PRIM1: variants seen among roughly 807,000 people sequenced by gnomAD.
PRIM1 encodes the protein DNA primase subunit 1.
Under a neutral mutation model 60.2 loss-of-function variants are expected in PRIM1, and 38 were observed. The observed-to-expected ratio is 0.63, with a 90% CI of 0.49 to 0.83. PRIM1 has a LOEUF of 0.83. PRIM1 is among the 40% of genes least tolerant of loss of function. The pLI is 0.00. For missense variants in PRIM1, 388 were observed against 506.2 expected, an observed-to-expected ratio of 0.77 and a Z score of 2.24; for synonymous variants, 158 against 160.2, an observed-to-expected ratio of 0.99 and a Z score of 0.10.
At chr12:56,734,112 C>A (rs750294648) in intron 12 of PRIM1, 35 bp downstream of exon 12, 1 of 1,431,274 alleles carries the variant, frequency 7.0e-7, no homozygotes, top group South Asian at 1.2e-5. Context: ...ATAATAAGAT[C>A]TAACTAGATA....
chr12:56,745,949 A>C, intron 5 of PRIM1, 96 bp downstream of exon 5: 1 of 1,339,958 alleles, frequency 7.5e-7, no homozygotes, highest in Non-Finnish European at 1.0e-6. Context: ...AAAAAAAAAA[A>C]AAAAAGATAG....
chr12:56,751,300 G>C, intron 1 of PRIM1, 105 bp from the exon 2 acceptor site: 1 of 806,732 alleles, frequency 1.2e-6, no homozygotes, highest in East Asian at 3.0e-5. Flanking sequence ...AGGGAATCTT[G>C]CTTGCTTCCT....
In PRIM1 at chr12:56,736,298, T is replaced by TAAAAAAAAAAAAAAAAA. The variant is rs756452647; in HGVS notation, c.1145-2070_1145-2054dup. Among the ~76,000 whole-genome samples the TAAAAAAAAAAAAAAAAA allele has an allele frequency of 1.6e-3, 39 of 24,320 alleles. 5 individuals carry two copies. Among genetic ancestry groups the TAAAAAAAAAAAAAAAAA allele is most frequent in the African/African-American group, 5.9e-3 (26 of 4,442 alleles). 16.0% of individuals were successfully genotyped at this position (24,320 alleles called of 152,430 possible). On this transcript the variant is annotated intron_variant, in intron 11 of 12. Transcript: ENST00000338193. ...GGGTGACAGAGTAAGACTCTTTCTC[T>TAAAAAAAAAAAAAAAAA]AAAAAAAAAAAAAAAAAAAAAAAAA...
At chr12:56,743,365 AC>A in intron 6 of PRIM1, 1 of 243,964 alleles carries the variant, frequency 4.1e-6, no homozygotes, top group Non-Finnish European at 7.7e-6. Context: ...AGGTTAATAT[AC>A]GCAATAAGGG....
chr12:56,748,315 TAGA>T (rs1249693125), intron 2 of PRIM1, among the ~76,000 whole-genome samples: 3 of 152,268 alleles, frequency 2.0e-5, no homozygotes, highest in Admixed American at 6.5e-5. Context: ...GGCAGGAAGC[TAGA>T]AGATTTCTCT....
chr12:56,740,569 C>T (rs577538041), intron 9 of PRIM1, among the ~76,000 whole-genome samples: 1 of 152,104 alleles, frequency 6.6e-6, no homozygotes, highest in South Asian at 2.1e-4. Context: ...TGCTTGAGCT[C>T]AAGAGTTCAA....
intron 7 of PRIM1, 83 bp downstream of exon 7, chr12:56,742,904 C>G: frequency 1.9e-6 from 2 of 1,039,420 alleles, no homozygotes; most frequent in Admixed American, 3.6e-5. Context: ...TATATGAGAA[C>G]TTACAAGCAG....
Position 56,738,526 on chromosome 12 carries a change from C to T in PRIM1, c.1053-1G>A. The T allele has an allele frequency of 6.4e-7, 1 of 1,571,610 alleles. No individual in the cohort carries two copies. Among genetic ancestry groups the T allele is most frequent in the Non-Finnish European group, 8.6e-7 (1 of 1,157,170 alleles). ...GGCATCCAATTCACGGCAGATGAAG[C>T]TGCAAGTAACAGAACAAGAGAATTT... On this transcript the variant is annotated splice_acceptor_variant, in intron 10 of 12. Transcript: ENST00000338193. LOFTEE classifies it high-confidence loss of function.
rs748584602 is a variant in PRIM1 at position 56,746,218 on chromosome 12, C to T, written c.443-37G>A. 9 of 1,581,440 alleles carry T rather than the reference C, an allele frequency of 5.7e-6. No homozygotes were observed. The Middle Eastern group carries it at 5.0e-4, about 88-fold the overall frequency. ...AGAAATAATAGGTTTTAAAACAAAT[C>T]TATAAACTCCTTAATTAATGTATAT... On this transcript the variant is annotated intron_variant, in intron 4 of 12. Transcript: ENST00000338193.
chr12:56,740,093 G>A (rs1054081443), intron 9 of PRIM1, among the ~76,000 whole-genome samples: 5 of 151,694 alleles, frequency 3.3e-5, no homozygotes, highest in East Asian at 3.9e-4. Flanking sequence ...CCAAGATCGC[G>A]CCACTGTACT....
intron 2 of PRIM1, among the ~76,000 whole-genome samples, chr12:56,747,295 G>A (rs12306275): frequency 0.033 from 4,982 of 152,250 alleles, 289 homozygotes; most frequent in African/African-American, 0.11. Context: ...TAATAAAGCT[G>A]TTTTTAGTTT....
intron 11 of PRIM1, 23 bp from the exon 12 acceptor site, chr12:56,734,268 T>C (rs915549490): frequency 7.1e-6 from 10 of 1,408,406 alleles, no homozygotes; most frequent in Non-Finnish European, 9.9e-6. Flanking sequence ...GAATGTACAT[T>C]ATAATTAGCA....
At chr12:56,741,330 C>A in intron 9 of PRIM1, 105 bp downstream of exon 9, 1 of 1,234,716 alleles carries the variant, frequency 8.1e-7, no homozygotes, top group Non-Finnish European at 1.1e-6. Flanking sequence ...ATTCTTCTAC[C>A]TTTAAATCAT....
In PRIM1 at chr12:56,731,691, A is replaced by G; in HGVS notation, c.*24T>C. 6.6e-7 allele frequency: 1 copy of G among 1,506,810 alleles called. No homozygotes were observed. Among genetic ancestry groups the G allele is most frequent in the Non-Finnish European group, 9.0e-7 (1 of 1,110,252 alleles). 93.3% of individuals were successfully genotyped at this position (1,506,810 alleles called of 1,614,324 possible). ...CTGTGGTTGAAGGCAGAAGATATCC[A>G]CAATGGTTTGAGGAGCTCTGTCTTC... On this transcript the variant is annotated 3_prime_UTR_variant, in exon 13 of 13. Coordinates refer to ENST00000338193, the MANE Select transcript of PRIM1 (RefSeq NM_000946.3).
chr12:56,742,216 G>A, intron 7 of PRIM1: 1 of 269,796 alleles, frequency 3.7e-6, no homozygotes, highest in South Asian at 3.9e-5. Context: ...TTGTGCCACT[G>A]TGCTACAGCC....
rs71446569 is a variant in PRIM1, at chr12:56,746,626, TCACACACACACACA to T, written c.442+141_442+154del. ...AGCCTGGCTGACAGAGTGAGACTCG[TCACACACACACACA>T]CACACACACACACACACACACACAC... On this transcript the variant is annotated intron_variant, in intron 4 of 12. Coordinates refer to ENST00000338193, the MANE Select transcript of PRIM1 (RefSeq NM_000946.3). 2,809 of 640,570 alleles carry T rather than the reference TCACACACACACACA, an allele frequency of 4.4e-3. 9 individuals are homozygous for T. Among genetic ancestry groups the T allele is most frequent in the Middle Eastern group, 0.019 (66 of 3,496 alleles). 39.7% of individuals were successfully genotyped at this position (640,570 alleles called of 1,614,324 possible).
At chr12:56,742,620 T>C (rs1255580644) in intron 7 of PRIM1, among the ~76,000 whole-genome samples, 1 of 151,720 alleles carries the variant, frequency 6.6e-6, no homozygotes, top group Non-Finnish European at 1.5e-5. Flanking sequence ...CCAACACCAG[T>C]TGTATCATTG....
chr12:56,740,558 T>C (rs1953864862), intron 9 of PRIM1, among the ~76,000 whole-genome samples: 1 of 152,120 alleles, frequency 6.6e-6, no homozygotes, highest in African/African-American at 2.4e-5. Flanking sequence ...GGCAGGTGAA[T>C]TGCTTGAGCT....
At chr12:56,752,147 T>C in intron 1 of PRIM1, 49 bp downstream of exon 1, 1 of 1,385,308 alleles carries the variant, frequency 7.2e-7, no homozygotes, top group Non-Finnish European at 1.0e-6. Flanking sequence ...ACACCCCGCC[T>C]CCAACCTCCT....
Sources: allele counts gnomAD v4.1 joint callset (sites outside exome capture counted in the v4.1 genomes callset), GRCh38; gene constraint gnomAD v4.1.1; transcripts MANE v1.5; gene names NCBI Gene and HGNC (gene_info 2026-07-23, HGNC 2026-07-21).